POMP: variants seen among roughly 807,000 people sequenced by gnomAD.
The protein encoded by POMP is 2510048O06Rik.
A neutral mutation model predicts 20.6 loss-of-function variants in POMP; 12 were observed. The observed-to-expected ratio is 0.58, with a 90% CI of 0.37 to 0.94. POMP has a LOEUF of 0.94. Among genes scored for constraint, POMP ranks in the 40% least tolerant of loss-of-function variants. The pLI is 0.01. For missense variants in POMP, 136 were observed against 161.1 expected (o/e 0.84, Z 0.84); for synonymous variants, 53 against 55.0 (o/e 0.96, Z 0.16).
chr13:28,662,585 C>A, intron 2 of POMP, 78 bp downstream of exon 2: 1 of 1,206,274 alleles, frequency 8.3e-7, no homozygotes, highest in Non-Finnish European at 1.2e-6. Flanking sequence ...TTTTGATAGG[C>A]TATACATGTG....
intron 3 of POMP, among the ~76,000 whole-genome samples, chr13:28,666,660 T>G (rs977015788): frequency 5.9e-5 from 9 of 152,254 alleles, no homozygotes; most frequent in Admixed American, 6.5e-5. Context: ...ACTTGGGGCA[T>G]ATTGCTTAAT....
At chr13:28,663,601 C>T (rs780614587) in intron 2 of POMP, among the ~76,000 whole-genome samples, 1 of 152,188 alleles carries the variant, frequency 6.6e-6, no homozygotes, top group Non-Finnish European at 1.5e-5. Context: ...TGAGCCACTG[C>T]GTCTGGCCGT....
chr13:28,672,370 A>G lies in POMP; in HGVS notation c.296A>G (p.Asn99Ser). The change falls in exon 5 of 6, where the codon AAT (asparagine) becomes AGT (serine). Residue 99 changes from asparagine to serine, a missense_variant. Physicochemically the swap from Asn to Ser is conservative, Grantham distance 46. Coordinates refer to ENST00000380842, the MANE Select transcript of POMP (RefSeq NM_015932.6). ...VQRLPFLSSS[N>S]LSLDVLRGND... Reference sequence around the variant, plus strand: ...CGTCTTCCATTTCTTTCAAGCTCAAATCTTTCACTGGATGTTTTGAGGGGT... The same window carrying G: ...CGTCTTCCATTTCTTTCAAGCTCAAGTCTTTCACTGGATGTTTTGAGGGGT... 6.2e-7 allele frequency: 1 copy of G among 1,611,184 alleles called. No homozygotes were observed. The highest frequency in any genetic ancestry group is 8.5e-7 in the Non-Finnish European group (1 of 1,177,424).
intron 1 of POMP, 53 bp from the exon 2 acceptor site, chr13:28,662,357 G>T: frequency 7.5e-7 from 1 of 1,334,060 alleles, no homozygotes; most frequent in Non-Finnish European, 1.1e-6. Context: ...AGCTGCCTGG[G>T]TGTGTGTTTA....
At chr13:28,662,548 G>A (rs1884364865) in intron 2 of POMP, 41 bp downstream of exon 2, 2 of 1,480,962 alleles carry the variant, frequency 1.4e-6, no homozygotes, top group Admixed American at 1.7e-5. Context: ...TTATGTTTCT[G>A]TGAATTTTCA....
intron 1 of POMP, 32 bp downstream of exon 1, chr13:28,659,219 C>T (rs778540639): frequency 1.1e-5 from 17 of 1,580,540 alleles, no homozygotes; most frequent in Non-Finnish European, 1.5e-5. Flanking sequence ...TGGAGTTCCA[C>T]GCGGGCTCGG....
intron 5 of POMP, among the ~76,000 whole-genome samples, chr13:28,675,143 A>ACTTTTTTTTTT (rs1555257279): frequency 6.6e-6 from 1 of 150,646 alleles, no homozygotes; most frequent in African/African-American, 2.5e-5. Context: ...GTTTAGGTAG[A>ACTTTTTTTTTT]TTTTTTTTGT....
At chr13:28,671,777 G>T (rs1008186936) in intron 4 of POMP, among the ~76,000 whole-genome samples, 1 of 152,136 alleles carries the variant, frequency 6.6e-6, no homozygotes, top group South Asian at 2.1e-4. Context: ...GTGAGAAACT[G>T]CCCTCTTAGA....
chr13:28,664,428 C>T (rs1378271832), intron 2 of POMP, 81 bp from the exon 3 acceptor site: 4 of 961,520 alleles, frequency 4.2e-6, no homozygotes, highest in African/African-American at 3.3e-5. Context: ...CATGCCATCC[C>T]TTTATAGATA....
chr13:28,668,058 C>G (rs1453417991), intron 3 of POMP, among the ~76,000 whole-genome samples: 1 of 152,144 alleles, frequency 6.6e-6, no homozygotes, highest in African/African-American at 2.4e-5. Flanking sequence ...TTTGCTGAAT[C>G]CTTTTAAATA....
intron 3 of POMP, among the ~76,000 whole-genome samples, chr13:28,666,035 T>G (rs1010284655): frequency 3.9e-5 from 6 of 152,192 alleles, no homozygotes; most frequent in African/African-American, 1.4e-4. Context: ...AGAATGTATA[T>G]TAGGTTTTTG....
At chr13:28,672,580 A>G in intron 5 of POMP, 148 bp downstream of exon 5, 2 of 716,816 alleles carry the variant, frequency 2.8e-6, no homozygotes, top group Admixed American at 2.1e-5. Flanking sequence ...GTTTAATGGT[A>G]GTAACTGTTC....
chr13:28,672,082 C>A (rs1054348379), intron 4 of POMP, among the ~76,000 whole-genome samples: 1 of 152,170 alleles, frequency 6.6e-6, no homozygotes, highest in African/African-American at 2.4e-5. Flanking sequence ...CCGTAGTTTT[C>A]CTGAGCAGAA....
intron 2 of POMP, among the ~76,000 whole-genome samples, chr13:28,664,016 G>T (rs1005579892): frequency 6.6e-6 from 1 of 152,198 alleles, no homozygotes; most frequent in Non-Finnish European, 1.5e-5. Flanking sequence ...CCTGGTTCTA[G>T]TTGTGCCTTA....
At chr13:28,671,188 G>A (rs1884539554) in intron 4 of POMP, among the ~76,000 whole-genome samples, 2 of 152,232 alleles carry the variant, frequency 1.3e-5, no homozygotes, top group Non-Finnish European at 2.9e-5. Context: ...TCTTGGCTTA[G>A]CCATCTACTA....
At chr13:28,669,234 C>T (rs1884500310) in intron 4 of POMP, among the ~76,000 whole-genome samples, 1 of 152,092 alleles carries the variant, frequency 6.6e-6, no homozygotes, top group African/African-American at 2.4e-5. Flanking sequence ...ATTTATTTAA[C>T]CCACTGTTTC....
chr13:28,677,811 G>A (rs1244825125), intron 5 of POMP, among the ~76,000 whole-genome samples: 2 of 152,082 alleles, frequency 1.3e-5, no homozygotes, highest in African/African-American at 4.8e-5. Flanking sequence ...AATTAACATG[G>A]AACCTGGTCT....
At chr13:28,666,714 C>T (rs144548918) in intron 3 of POMP, among the ~76,000 whole-genome samples, 6 of 152,262 alleles carry the variant, frequency 3.9e-5, no homozygotes, top group African/African-American at 1.4e-4. Context: ...AGTAATAGCC[C>T]ATCCTTGGCA....
Position 28,678,211 on chromosome 13 carries a change from C to T in POMP, c.*109C>T. The T allele has an allele frequency of 1.8e-6, 2 of 1,088,052 alleles. No homozygotes were observed. Among genetic ancestry groups the T allele is most frequent in the East Asian group, 2.4e-5 (1 of 41,040 alleles). The allele number at this position is 1,088,052 out of a possible 1,614,324, so 67.4% of individuals were successfully genotyped here. On this transcript the variant is annotated 3_prime_UTR_variant, in exon 6 of 6. Coordinates refer to ENST00000380842, the MANE Select transcript of POMP (RefSeq NM_015932.6). Reference sequence around the variant, plus strand: ...GTACTGACACCTGAGAATTTCTGCTCAAGTAGTATCAGTGATCATTTAAAA... The same window carrying T: ...GTACTGACACCTGAGAATTTCTGCTTAAGTAGTATCAGTGATCATTTAAAA...
Sources: allele counts gnomAD v4.1 joint callset (sites outside exome capture counted in the v4.1 genomes callset), GRCh38; gene constraint gnomAD v4.1.1; transcripts MANE v1.5; gene names NCBI Gene and HGNC (gene_info 2026-07-23, HGNC 2026-07-21).